The following TMEM131 variants were observed in gnomAD, a reference collection of about 807,000 sequenced individuals.
The protein encoded by TMEM131 is transmembrane protein 131, also known as 2610524E03Rik.
A neutral mutation model predicts 211.6 loss-of-function variants in TMEM131; 66 were observed. The observed-to-expected ratio is 0.31, with a 90% CI of 0.26 to 0.38. The LOEUF is 0.38. Among genes scored for constraint, TMEM131 ranks in the 10% least tolerant of loss-of-function variants. TMEM131 has a pLI of 1.00. For synonymous variants in TMEM131, 844 were observed against 841.3 expected (o/e 1.00, Z -0.06); for missense variants, 2,036 against 2,299.3 (o/e 0.89, Z 2.34).
In TMEM131 at chr2:97,756,350, T is replaced by C. The variant is rs564013630; in HGVS notation, c.*749A>G. 2 of 152,360 alleles carry C rather than the reference T, an allele frequency of 1.3e-5. No homozygotes were observed. Among genetic ancestry groups the C allele is most frequent in the South Asian group, 4.1e-4 (2 of 4,822 alleles). 9.4% of individuals were successfully genotyped at this position (152,360 alleles called of 1,614,324 possible). ...CAAAACAAGGCTTTTGAAAAAAGCA[T>C]CATTTATTTCAAAGTACAACACAAA... On this transcript the variant is annotated 3_prime_UTR_variant, in exon 41 of 41. Transcript: ENST00000186436.
At chr2:97,832,894 A>G (rs890126821) in intron 11 of TMEM131, among the ~76,000 whole-genome samples, 1 of 152,198 alleles carries the variant, frequency 6.6e-6, no homozygotes, top group Non-Finnish European at 1.5e-5. Context: ...TAACTCAATA[A>G]CTGCTAGTTA....
chr2:97,911,352 A>G (rs2104381334), intron 2 of TMEM131, among the ~76,000 whole-genome samples: 1 of 152,348 alleles, frequency 6.6e-6, no homozygotes, highest in East Asian at 1.9e-4. Flanking sequence ...ACGTATGTCC[A>G]TTATCTTGAT....
intron 33 of TMEM131, among the ~76,000 whole-genome samples, chr2:97,770,789 C>T (rs1679431715): frequency 6.6e-6 from 1 of 152,198 alleles, no homozygotes; most frequent in Admixed American, 6.5e-5. Flanking sequence ...TAAGATAATT[C>T]TTAGATGCAC....
At chr2:97,843,877 T>C (rs978785964) in intron 6 of TMEM131, among the ~76,000 whole-genome samples, 7 of 152,160 alleles carry the variant, frequency 4.6e-5, no homozygotes, top group Non-Finnish European at 1.0e-4. Flanking sequence ...TAAACAAAAT[T>C]TTATAAGTCA....
chr2:97,866,042 C>G (rs1281704684), intron 4 of TMEM131, among the ~76,000 whole-genome samples: 2 of 149,480 alleles, frequency 1.3e-5, no homozygotes, highest in Admixed American at 6.7e-5. Context: ...ACTAACACGC[C>G]TGGCTAATTT....
chr2:97,806,052 T>C (rs1229534905), intron 19 of TMEM131, among the ~76,000 whole-genome samples: 2 of 152,248 alleles, frequency 1.3e-5, no homozygotes, highest in African/African-American at 4.8e-5. Context: ...ACTTTCAGTT[T>C]GGTAAGCAAG....
Position 97,775,851 on chromosome 2 carries a change from G to A in TMEM131, c.4312C>T (p.Leu1438Phe). 1 of 1,612,900 alleles carries A rather than the reference G, an allele frequency of 6.2e-7. No individual in the cohort carries two copies. The highest frequency in any genetic ancestry group is 1.1e-5 in the South Asian group (1 of 90,880). ...GTGAGATCAGCCCGTACCTCCTTGA[G>A]GAGCGGTTCTGTGTCAGGGTTGGAG... ...ETSNPDTEPL[L>F]KEDTEKQKGK... Residue 1438 changes from leucine (L) to phenylalanine (F), a missense_variant, in exon 32 of 41, where the codon CTC (leucine) becomes TTC (phenylalanine). Coordinates refer to ENST00000186436, the MANE Select transcript of TMEM131 (RefSeq NM_015348.2).
chr2:97,931,188 G>T lies in TMEM131; in HGVS notation c.188-3701C>A, dbSNP rs1489741367. On this transcript the variant is annotated intron_variant, in intron 1 of 40. Transcript: ENST00000186436. Reference sequence around the variant, plus strand: ...GGAAGATTTACAAAGGAAAGAAAAGGATTTACATTTCTGGCTTTTACGATT... The same window carrying T: ...GGAAGATTTACAAAGGAAAGAAAAGTATTTACATTTCTGGCTTTTACGATT... Among the ~76,000 whole-genome samples, 3 of 151,748 alleles carry T rather than the reference G, an allele frequency of 2.0e-5. No homozygotes were observed. The East Asian group carries it at 5.8e-4, about 29-fold the overall frequency.
At chr2:97,962,165 T>C (rs1378319717) in intron 1 of TMEM131, among the ~76,000 whole-genome samples, 1 of 152,098 alleles carries the variant, frequency 6.6e-6, no homozygotes, top group Non-Finnish European at 1.5e-5. Context: ...AAAACTGTAC[T>C]TCATTAAAAT....
chr2:97,856,713 T>A (rs867617589), intron 5 of TMEM131, among the ~76,000 whole-genome samples: 2 of 152,146 alleles, frequency 1.3e-5, no homozygotes, highest in African/African-American at 2.4e-5. Context: ...ATTGTTGGCA[T>A]AAAGCTGAAG....
chr2:97,841,375 A>G (rs1055787554), intron 7 of TMEM131, among the ~76,000 whole-genome samples: 9 of 152,232 alleles, frequency 5.9e-5, no homozygotes, highest in African/African-American at 1.7e-4. Context: ...GCATAATTCT[A>G]TATTACCCTT....
At chr2:97,838,002 T>C (rs550532317) in intron 7 of TMEM131, among the ~76,000 whole-genome samples, 20 of 152,346 alleles carry the variant, frequency 1.3e-4, no homozygotes, top group African/African-American at 4.3e-4. Flanking sequence ...TGTGTCTGGC[T>C]TCTTTTGCTC....
At chr2:97,875,690 C>T (rs1043925169) in intron 4 of TMEM131, among the ~76,000 whole-genome samples, 9 of 152,230 alleles carry the variant, frequency 5.9e-5, no homozygotes, top group African/African-American at 2.2e-4. Flanking sequence ...ACACAATGTA[C>T]CAGAATCTCT....
At position 97,757,018 on chromosome 2, in the gene TMEM131, G is replaced by A; in HGVS notation, c.*81C>T. The A allele has an allele frequency of 6.8e-7, 1 of 1,460,682 alleles. No individual in the cohort carries two copies. The highest frequency in any genetic ancestry group is 9.1e-7 in the Non-Finnish European group (1 of 1,101,534). The allele number at this position is 1,460,682 out of a possible 1,614,324, so 90.5% of individuals were successfully genotyped here. A position where few individuals can be genotyped will look rare whatever the true frequency, so the allele number is the denominator to read the frequency against. On this transcript the variant is annotated 3_prime_UTR_variant, in exon 41 of 41. Transcript: ENST00000186436. Reference sequence around the variant, plus strand: ...AGGGTGGGGAGGGGAGCTGCAGTAAGAGCCTTAAAAAGATGTCTCAGAAAC... The same window carrying A: ...AGGGTGGGGAGGGGAGCTGCAGTAAAAGCCTTAAAAAGATGTCTCAGAAAC...
At chr2:97,788,605 C>T (rs1020188380) in intron 31 of TMEM131, among the ~76,000 whole-genome samples, 4 of 152,214 alleles carry the variant, frequency 2.6e-5, no homozygotes, top group African/African-American at 9.7e-5. Flanking sequence ...CACATGGTTT[C>T]ACCAATTATC....
At chr2:97,796,178 A>G (rs1680751851) in intron 28 of TMEM131, 40 bp downstream of exon 28, 2 of 1,211,988 alleles carry the variant, frequency 1.7e-6, no homozygotes, top group South Asian at 1.5e-5. Context: ...GAGTTTGAGG[A>G]AAGTTAGTGA....
At chr2:97,884,978 CTTCTT>C (rs1675081710) in intron 4 of TMEM131, among the ~76,000 whole-genome samples, 2 of 152,156 alleles carry the variant, frequency 1.3e-5, no homozygotes, top group Admixed American at 1.3e-4. Context: ...TTGTTCTGTA[CTTCTT>C]TTCTTATGGT....
chr2:97,800,809 G>A (rs542090882), intron 25 of TMEM131, among the ~76,000 whole-genome samples: 1 of 152,006 alleles, frequency 6.6e-6, no homozygotes, highest in East Asian at 1.9e-4. Flanking sequence ...TCTGGTTACT[G>A]AGCCTTCTAG....
intron 11 of TMEM131, among the ~76,000 whole-genome samples, chr2:97,822,387 G>A (rs1294598714): frequency 1.3e-5 from 2 of 152,192 alleles, no homozygotes; most frequent in African/African-American, 4.8e-5. Flanking sequence ...ATGATGAGAA[G>A]TGAGGATAAA....
Sources: gnomAD v4.1 joint callset for allele counts (sites outside exome capture counted in the v4.1 genomes callset) on GRCh38, gnomAD v4.1.1 for gene constraint, MANE v1.5 for transcripts, NCBI Gene and HGNC (gene_info 2026-07-23, HGNC 2026-07-21) for gene names.